Variants in FRMD1 observed in about 807,000 individuals in gnomAD.
FRMD1 encodes the protein FERM domain containing 1.
A neutral mutation model predicts 54.9 loss-of-function variants in FRMD1; 51 were observed. The observed-to-expected ratio is 0.93, with a 90% CI of 0.74 to 1.17. The LOEUF is 1.17. Among genes scored for constraint, FRMD1 ranks in the 50% most tolerant of loss-of-function variants. The probability of loss-of-function intolerance (pLI) is 0.00; values close to 1 mark genes in which losing one functional copy is unlikely to be tolerated. For synonymous variants in FRMD1, 324 were observed against 306.4 expected, an observed-to-expected ratio of 1.06 and a Z score of -0.60; for missense variants, 729 against 743.0, an observed-to-expected ratio of 0.98 and a Z score of 0.22.
At chr6:168,073,979 T>A (rs1562424554) in intron 2 of FRMD1, among the ~76,000 whole-genome samples, 1 of 152,018 alleles carries the variant, frequency 6.6e-6, no homozygotes, top group Non-Finnish European at 1.5e-5. Context: ...TTCATCTCCA[T>A]CTGTCCATGC....
intron 1 of FRMD1, among the ~76,000 whole-genome samples, chr6:168,087,402 C>T (rs959804676): frequency 5.9e-5 from 9 of 152,218 alleles, no homozygotes; most frequent in African/African-American, 2.2e-4. Flanking sequence ...ATTTTGCAGA[C>T]AGTGCAAATG....
chr6:168,090,985 C>G (rs537121378), intron 1 of FRMD1, among the ~76,000 whole-genome samples: 2 of 152,364 alleles, frequency 1.3e-5, no homozygotes, highest in South Asian at 2.1e-4. Flanking sequence ...GAAGCCCTCA[C>G]TGGCCACCCA....
Position 168,059,111 on chromosome 6 carries a change from G to C in FRMD1, c.1407+13C>G. 1 of 1,562,392 alleles carries C rather than the reference G, an allele frequency of 6.4e-7. No homozygotes were observed. The highest frequency in any genetic ancestry group is 1.3e-5 in the African/African-American group (1 of 74,468). ...GCAGGGCCAGGGCTTCTGGCCCGTGGGGGGGACTCTACCTGGTGCACGGCC... is the reference window on the plus strand; with the variant it reads ...GCAGGGCCAGGGCTTCTGGCCCGTGCGGGGGACTCTACCTGGTGCACGGCC... On this transcript the variant is annotated intron_variant, in intron 10 of 10. Transcript: ENST00000283309. This position sits in a 1 kb window ranked among gnomAD's most constrained non-coding sequence, Gnocchi z 4.4.
intron 2 of FRMD1, among the ~76,000 whole-genome samples, chr6:168,067,694 C>G (rs1412598654): frequency 1.3e-5 from 2 of 152,210 alleles, no homozygotes; most frequent in Non-Finnish European, 2.9e-5. Context: ...AGCTGATATT[C>G]AAAACTGGCA....
chr6:168,071,486 A>G (rs567350559), intron 2 of FRMD1, among the ~76,000 whole-genome samples: 1 of 152,260 alleles, frequency 6.6e-6, no homozygotes, highest in African/African-American at 2.4e-5. Context: ...GCCAAACCGC[A>G]GCGCCAGGGA....
intron 1 of FRMD1, among the ~76,000 whole-genome samples, chr6:168,077,839 C>T (rs1052663952): frequency 2.0e-5 from 3 of 152,242 alleles, no homozygotes; most frequent in Non-Finnish European, 4.4e-5. Context: ...TCCCCCAGCC[C>T]GAGGCACTGC....
At chr6:168,081,453 G>A (rs1199617065), upstream of FRMD1, 1 of 1,534,926 alleles carries the variant, frequency 6.5e-7, no homozygotes, top group South Asian at 1.2e-5. Flanking sequence ...CGAGGAAGAG[G>A]AGACCACCGC....
chr6:168,062,089 G>C, intron 7 of FRMD1, 108 bp from the exon 8 acceptor site: 1 of 1,175,418 alleles, frequency 8.5e-7, no homozygotes, highest in South Asian at 1.5e-5. Flanking sequence ...ACGAGGCCCA[G>C]GTTTTCACTT....
upstream of FRMD1, among the ~76,000 whole-genome samples, chr6:168,080,350 G>C (rs1800793413): frequency 6.6e-6 from 1 of 152,064 alleles, no homozygotes; most frequent in Non-Finnish European, 1.5e-5. Flanking sequence ...AGACAGCAGT[G>C]GCGGTCTCTT....
intron 1 of FRMD1, among the ~76,000 whole-genome samples, chr6:168,087,663 C>T (rs939214867): frequency 1.3e-5 from 2 of 152,210 alleles, no homozygotes; most frequent in Non-Finnish European, 2.9e-5. Flanking sequence ...CACGGGCTGG[C>T]GTGTGGAGCA....
chr6:168,057,714 C>G lies in FRMD1; in HGVS notation c.1408-375G>C, dbSNP rs1300019414. 4 of 230,910 alleles carry G rather than the reference C, an allele frequency of 1.7e-5. No individual in the cohort carries two copies. The South Asian group carries it at 2.4e-4, about 14-fold the overall frequency. The allele number at this position is 230,910 out of a possible 1,614,324, so 14.3% of individuals were successfully genotyped here. On this transcript the variant is annotated intron_variant, in intron 10 of 10. Coordinates refer to ENST00000283309, the MANE Select transcript of FRMD1 (RefSeq NM_024919.6). ...GTCAAGAACGGCCTCCTATTTTATA[C>G]GGGAGGAAACTGTCTGGGTTCAGAG...
intron 1 of FRMD1, among the ~76,000 whole-genome samples, chr6:168,089,502 T>C (rs1260757880): frequency 2.0e-5 from 3 of 152,156 alleles, no homozygotes; most frequent in Non-Finnish European, 4.4e-5. Context: ...AGGACACAGG[T>C]GGAGGAGGAC....
intron 1 of FRMD1, among the ~76,000 whole-genome samples, chr6:168,092,623 G>C (rs985350362): frequency 1.3e-5 from 2 of 152,206 alleles, no homozygotes; most frequent in African/African-American, 4.8e-5. Context: ...AGAAGGTGCC[G>C]TCTGCAAGGA....
chr6:168,089,715 G>A (rs951401880), intron 1 of FRMD1, among the ~76,000 whole-genome samples: 4 of 152,202 alleles, frequency 2.6e-5, no homozygotes, highest in African/African-American at 7.2e-5. Flanking sequence ...AGCGGGGAGC[G>A]GAAAATCGAA....
At chr6:168,065,447 T>A in intron 4 of FRMD1, 1 of 1,010,014 alleles carries the variant, frequency 9.9e-7, no homozygotes, top group South Asian at 4.5e-5. Flanking sequence ...TGGACAGACC[T>A]GGCTCCCAGA....
intron 2 of FRMD1, among the ~76,000 whole-genome samples, chr6:168,069,163 G>A (rs1292643993): frequency 6.6e-6 from 1 of 152,194 alleles, no homozygotes; most frequent in Non-Finnish European, 1.5e-5. Flanking sequence ...CAGACAGGGA[G>A]GCCCAGACTT....
chr6:168,066,457 C>A (rs1263141732), intron 4 of FRMD1: 3 of 796,582 alleles, frequency 3.8e-6, no homozygotes, highest in Non-Finnish European at 4.9e-6. Context: ...GAGATTGTGC[C>A]ATTGCACTCC....
At chr6:168,062,064 A>C in intron 7 of FRMD1, 83 bp from the exon 8 acceptor site, 1 of 1,450,780 alleles carries the variant, frequency 6.9e-7, no homozygotes. Context: ...AATGTCAGCC[A>C]TGGCCCCCAG....
intron 1 of FRMD1, chr6:168,075,668 C>T (rs2115011388): frequency 2.4e-6 from 3 of 1,251,858 alleles, no homozygotes; most frequent in East Asian, 5.1e-5. Context: ...CAGGGCCGCC[C>T]TCTGGGCTCT....
Sources: gnomAD v4.1 joint callset for allele counts (sites outside exome capture counted in the v4.1 genomes callset) on GRCh38, gnomAD v4.1.1 for gene constraint, Gnocchi (gnomAD v3.1) non-coding constraint, MANE v1.5 for transcripts, NCBI Gene and HGNC (gene_info 2026-07-23, HGNC 2026-07-21) for gene names.